Variants in CHD2 observed in about 807,000 individuals in gnomAD.
The protein encoded by CHD2 is chromodomain helicase DNA binding protein 2, also known as ATP-dependent chromatin remodeler CHD2.
CHD2 carries 28 observed loss-of-function variants against 243.9 expected under a neutral mutation model. The observed-to-expected ratio is 0.11, with a 90% CI of 0.09 to 0.16. CHD2 has a LOEUF of 0.16. Among genes scored for constraint, CHD2 ranks in the 10% least tolerant of loss-of-function variants. The pLI, the probability that CHD2 is intolerant of heterozygous loss-of-function variation, is 1.00. For missense variants in CHD2, 1,386 were observed against 2,209.8 expected (o/e 0.63, Z 7.47); for synonymous variants, 775 against 779.0 (o/e 0.99, Z 0.09).
intron 2 of CHD2, among the ~76,000 whole-genome samples, chr15:92,923,572 T>G (rs1454530877): frequency 1.3e-5 from 2 of 150,484 alleles, no homozygotes; most frequent in African/African-American, 4.9e-5. Flanking sequence ...TTTTTTTTTT[T>G]TTTTTTTTTC....
chr15:92,902,393 T>C (rs1270248633), intron 2 of CHD2: 1 of 382,124 alleles, frequency 2.6e-6, no homozygotes, highest in African/African-American at 2.1e-5. Flanking sequence ...TTTTAAATCA[T>C]GCAGTTTAAC....
chr15:92,999,241 C>G (rs1386028731), intron 31 of CHD2, among the ~76,000 whole-genome samples: 1 of 152,152 alleles, frequency 6.6e-6, no homozygotes, highest in Non-Finnish European at 1.5e-5. Context: ...GTTTCTTTAT[C>G]CTACTTTCTC....
chr15:92,956,845 G>A (rs1405711412), intron 16 of CHD2, among the ~76,000 whole-genome samples, 196 bp downstream of exon 16: 1 of 152,214 alleles, frequency 6.6e-6, no homozygotes, highest in Admixed American at 6.5e-5. Flanking sequence ...CTGTTAAGGA[G>A]GAAAGCAGTA....
intron 24 of CHD2, among the ~76,000 whole-genome samples, chr15:92,983,596 C>T (rs1367873168): frequency 1.3e-5 from 2 of 152,166 alleles, no homozygotes; most frequent in African/African-American, 4.8e-5. Flanking sequence ...AGATGCTGTC[C>T]AGAGGTGGTA....
chr15:92,901,806 C>T (rs2041016231), intron 2 of CHD2: 1 of 249,764 alleles, frequency 4.0e-6, no homozygotes, highest in African/African-American at 2.2e-5. Context: ...CATTTAAAAA[C>T]AAAATCACTT....
intron 13 of CHD2, among the ~76,000 whole-genome samples, chr15:92,952,404 T>C (rs1161768066): frequency 6.6e-6 from 1 of 152,212 alleles, no homozygotes; most frequent in African/African-American, 2.4e-5. Context: ...ATTATTACAT[T>C]ATACTATATA....
intron 34 of CHD2, among the ~76,000 whole-genome samples, chr15:93,006,680 A>T (rs896028476): frequency 6.6e-5 from 10 of 152,324 alleles, no homozygotes; most frequent in South Asian, 4.1e-4. Context: ...CACAGCTAAG[A>T]CATAGAACAC....
At position 92,905,008 on chromosome 15, in the gene CHD2, GGTCA is replaced by G. The variant is rs138192369; in HGVS notation, c.62+3712_62+3715del. 798 of 1,535,638 alleles carry G rather than the reference GGTCA, an allele frequency of 5.2e-4. 4 individuals carry two copies. In the African/African-American group the frequency reaches 8.6e-3, roughly 17 times the overall value. On this transcript the variant is annotated intron_variant, in intron 2 of 38. Transcript: ENST00000394196. The stretch of plus-strand genomic sequence containing the variant: ...TTGGCATTTGATGGAGAAAAACTCA[GGTCA>G]GTATGTGCTAAGTACTATATATTTA...
intron 13 of CHD2, among the ~76,000 whole-genome samples, chr15:92,949,811 T>C (rs1049881801): frequency 6.6e-6 from 1 of 152,230 alleles, no homozygotes; most frequent in African/African-American, 2.4e-5. Context: ...GCAATTTTAC[T>C]TTCTGCAGAA....
intron 5 of CHD2, among the ~76,000 whole-genome samples, chr15:92,935,932 ATTTTTT>A (rs879463429): frequency 6.9e-6 from 1 of 145,844 alleles, no homozygotes; most frequent in African/African-American, 2.5e-5. Flanking sequence ...TCTTTCATTG[ATTTTTT>A]TTTTTTTAAC....
At chr15:93,020,532 A>C in intron 38 of CHD2, 1 of 589,986 alleles carries the variant, frequency 1.7e-6, no homozygotes, top group Non-Finnish European at 3.0e-6. Flanking sequence ...TAGAGTCAAC[A>C]ACCAAAATTA....
intron 9 of CHD2, chr15:92,943,413 T>C (rs532711583): frequency 1.2e-4 from 34 of 285,534 alleles, no homozygotes; most frequent in Middle Eastern, 2.6e-3. Context: ...TTTTGAATTC[T>C]GATGCCCTGA....
intron 27 of CHD2, 89 bp downstream of exon 27, chr15:92,991,606 C>G: frequency 1.1e-6 from 1 of 882,810 alleles, no homozygotes; most frequent in South Asian, 1.7e-5. Context: ...CCATTTAATA[C>G]TAATGCTGGG....
At chr15:92,925,142 TTAA>T (rs2053034881) in intron 3 of CHD2, among the ~76,000 whole-genome samples, 1 of 152,112 alleles carries the variant, frequency 6.6e-6, no homozygotes, top group Non-Finnish European at 1.5e-5. Context: ...TTCCGGAAAG[TTAA>T]TAATATGTAG....
intron 2 of CHD2, among the ~76,000 whole-genome samples, chr15:92,911,314 A>G (rs1338130190): frequency 6.6e-6 from 1 of 152,226 alleles, no homozygotes; most frequent in Admixed American, 6.5e-5. Context: ...ACATATGCTT[A>G]TCGCTATTTG....
At chr15:92,951,355 G>C (rs1356855426) in intron 13 of CHD2, among the ~76,000 whole-genome samples, 3 of 152,032 alleles carry the variant, frequency 2.0e-5, no homozygotes, top group African/African-American at 7.2e-5. Context: ...ATTTTTAGTA[G>C]AGACGGGGTT....
intron 7 of CHD2, among the ~76,000 whole-genome samples, chr15:92,940,912 AT>A (rs1460444860): frequency 9.5e-5 from 9 of 94,906 alleles, no homozygotes; most frequent in Admixed American, 2.8e-4. Flanking sequence ...AAATATATAT[AT>A]AAATATACAT....
chr15:92,907,852 C>T (rs1469195089), intron 2 of CHD2, among the ~76,000 whole-genome samples: 1 of 152,068 alleles, frequency 6.6e-6, no homozygotes, highest in Non-Finnish European at 1.5e-5. Flanking sequence ...TCTTCAGGAG[C>T]TAGGTTGGCC....
chr15:92,904,701 A>G (rs2052586996), intron 2 of CHD2: 1 of 1,383,194 alleles, frequency 7.2e-7, no homozygotes, highest in Non-Finnish European at 9.3e-7. Flanking sequence ...TTTTAAAGGC[A>G]CTATTTGGAA....
Sources: gnomAD v4.1 joint callset for allele counts (sites outside exome capture counted in the v4.1 genomes callset) on GRCh38, gnomAD v4.1.1 for gene constraint, MANE v1.5 for transcripts, NCBI Gene and HGNC (gene_info 2026-07-23, HGNC 2026-07-21) for gene names.